The following TMEM135 variants were observed in gnomAD, a reference collection of about 807,000 sequenced individuals.
The protein encoded by TMEM135 is transmembrane protein 135, also known as peroxisomal membrane protein 52.
A neutral mutation model predicts 60.3 loss-of-function variants in TMEM135; 30 were observed. That is an observed-to-expected ratio of 0.50 (90% CI 0.37 to 0.68). The LOEUF (loss-of-function observed/expected upper bound fraction) is 0.68, where lower values mean the gene tolerates loss of function less well. Among genes scored for constraint, TMEM135 ranks in the 30% least tolerant of loss-of-function variants. The pLI is 0.00. For synonymous variants in TMEM135, 190 were observed against 186.7 expected, an observed-to-expected ratio of 1.02 and a Z score of -0.14; for missense variants, 468 against 548.8, an observed-to-expected ratio of 0.85 and a Z score of 1.47.
chr11:87,316,709 T>C (rs945540163), intron 12 of TMEM135, among the ~76,000 whole-genome samples: 4 of 151,936 alleles, frequency 2.6e-5, no homozygotes, highest in Non-Finnish European at 5.9e-5. Context: ...AAAAATATAT[T>C]CTTTAACACA....
At chr11:87,283,451 A>G (rs977361396) in intron 6 of TMEM135, among the ~76,000 whole-genome samples, 1 of 152,236 alleles carries the variant, frequency 6.6e-6, no homozygotes, top group Non-Finnish European at 1.5e-5. Flanking sequence ...AAATAAGCAT[A>G]AATTTATGAA....
At position 87,214,668 on chromosome 11, in the gene TMEM135, G is replaced by A. The variant is rs1940457853; in HGVS notation, c.463-21970G>A. 2.0e-5 allele frequency among the ~76,000 whole-genome samples: 3 copies of A among 151,838 alleles called. No individual in the cohort carries two copies. The South Asian group carries it at 6.2e-4, about 32-fold the overall frequency. On this transcript the variant is annotated intron_variant, in intron 5 of 14. Coordinates refer to ENST00000305494, the MANE Select transcript of TMEM135 (RefSeq NM_022918.4). ...TTGCTTAGTTAAGTGGTTTTATTCT[G>A]AGTATTTAAAGCTTTTTCCCCCTAT...
At chr11:87,107,269 G>A (rs574265560) in intron 4 of TMEM135, among the ~76,000 whole-genome samples, 19 of 151,924 alleles carry the variant, frequency 1.3e-4, no homozygotes, top group African/African-American at 4.1e-4. Flanking sequence ...ATTATTCATA[G>A]TTTTTTTTAT....
chr11:87,132,970 G>A (rs980446885), intron 4 of TMEM135, among the ~76,000 whole-genome samples: 2 of 152,104 alleles, frequency 1.3e-5, no homozygotes, highest in African/African-American at 2.4e-5. Flanking sequence ...ATTAAGTAAC[G>A]TAAGAGTTAC....
At chr11:87,062,456 T>C (rs1480895924) in intron 1 of TMEM135, among the ~76,000 whole-genome samples, 2 of 81,572 alleles carry the variant, frequency 2.5e-5, no homozygotes, top group Non-Finnish European at 4.4e-5. Flanking sequence ...ATTCTTCTAA[T>C]ATCATTTATT....
At position 87,325,734 on chromosome 11, in the gene TMEM135, C is replaced by G. The variant is rs1942902818; in HGVS notation, c.*4401C>G. On this transcript the variant is annotated 3_prime_UTR_variant, in exon 15 of 15. Transcript: ENST00000305494. ...TTTTATATGCTCTGTTTTTCTTAGG[C>G]AGGATGATGTAGAAGATAATTGCAC... 2.2e-6 allele frequency: 1 copy of G among 453,744 alleles called. No homozygotes were observed. The highest frequency in any genetic ancestry group is 4.4e-6 in the Non-Finnish European group (1 of 226,746). The allele number at this position is 453,744 out of a possible 1,614,324, so 28.1% of individuals were successfully genotyped here.
Position 87,322,649 on chromosome 11 carries a change from T to C in TMEM135, c.*1316T>C, listed in dbSNP as rs1475243367. 1 of 453,508 alleles carries C rather than the reference T, an allele frequency of 2.2e-6. No homozygotes were observed. The highest frequency in any genetic ancestry group is 2.0e-5 in the African/African-American group (1 of 50,006). 28.1% of individuals were successfully genotyped at this position (453,508 alleles called of 1,614,324 possible). On this transcript the variant is annotated 3_prime_UTR_variant, in exon 15 of 15. Coordinates refer to ENST00000305494, the MANE Select transcript of TMEM135 (RefSeq NM_022918.4). ...TTTTAGGCCAGTGCAAATTATGCAG[T>C]AGAACTTGTGTTGCAAAAGGAATTA...
intron 2 of TMEM135, among the ~76,000 whole-genome samples, chr11:87,069,463 T>C (rs1460964244): frequency 6.6e-6 from 1 of 152,082 alleles, no homozygotes; most frequent in African/African-American, 2.4e-5. Context: ...CATGAGGTGG[T>C]TGAGGGTCAG....
At chr11:87,182,703 A>G (rs1373366058) in intron 5 of TMEM135, among the ~76,000 whole-genome samples, 1 of 152,052 alleles carries the variant, frequency 6.6e-6, no homozygotes, top group Admixed American at 6.6e-5. Flanking sequence ...TTCTCTAGAA[A>G]ATTTTTGTGT....
chr11:87,047,666 A>G (rs377495339), intron 1 of TMEM135, among the ~76,000 whole-genome samples: 22 of 120,994 alleles, frequency 1.8e-4, no homozygotes, highest in Non-Finnish European at 2.5e-4. Flanking sequence ...AGGGTCCTAC[A>G]CCCACGGAAT....
At chr11:87,231,411 A>T (rs778261287) in intron 5 of TMEM135, among the ~76,000 whole-genome samples, 6 of 152,208 alleles carry the variant, frequency 3.9e-5, no homozygotes. Context: ...GGTAAAGTAC[A>T]CATAATGTTT....
chr11:87,180,284 G>C (rs1461854916), intron 5 of TMEM135, among the ~76,000 whole-genome samples: 1 of 152,014 alleles, frequency 6.6e-6, no homozygotes, highest in Non-Finnish European at 1.5e-5. Flanking sequence ...TCTTTGACCA[G>C]ATAAACGGGA....
chr11:87,228,708 A>T (rs932463964), intron 5 of TMEM135, among the ~76,000 whole-genome samples: 1 of 152,176 alleles, frequency 6.6e-6, no homozygotes, highest in African/African-American at 2.4e-5. Context: ...GAAAAGCAGA[A>T]GAGTTCTGTG....
intron 4 of TMEM135, among the ~76,000 whole-genome samples, chr11:87,124,967 T>C (rs922360709): frequency 1.3e-5 from 2 of 152,242 alleles, no homozygotes; most frequent in Non-Finnish European, 1.5e-5. Flanking sequence ...CTTTAGTTGC[T>C]ACTTCTCTTA....
chr11:87,278,145 C>T (rs2135417699), intron 6 of TMEM135, among the ~76,000 whole-genome samples: 1 of 152,220 alleles, frequency 6.6e-6, no homozygotes. Flanking sequence ...AGGCTTTTAC[C>T]TTGTATCCTT....
At chr11:87,099,434 A>G (rs1016148640) in intron 4 of TMEM135, among the ~76,000 whole-genome samples, 1 of 152,218 alleles carries the variant, frequency 6.6e-6, no homozygotes, top group East Asian at 1.9e-4. Flanking sequence ...TCGCAAAACT[A>G]TAATATAATA....
intron 4 of TMEM135, among the ~76,000 whole-genome samples, chr11:87,092,772 CCTTTAT>C (rs1857237075): frequency 2.7e-5 from 1 of 37,558 alleles, no homozygotes; most frequent in African/African-American, 1.7e-4. Context: ...TAAAGATAAT[CCTTTAT>C]CTTTGTTCTC....
chr11:87,210,703 A>G (rs766652815), intron 5 of TMEM135, among the ~76,000 whole-genome samples: 2 of 152,136 alleles, frequency 1.3e-5, no homozygotes, highest in African/African-American at 2.4e-5. Context: ...CAAAAAAGGA[A>G]AACTTAAGGC....
chr11:87,318,685 CATT>C (rs1942772176), intron 13 of TMEM135, among the ~76,000 whole-genome samples: 1 of 151,886 alleles, frequency 6.6e-6, no homozygotes, highest in African/African-American at 2.4e-5. Flanking sequence ...ATTCTGTAAC[CATT>C]ATTATTGACA....
Sources: allele counts gnomAD v4.1 joint callset (sites outside exome capture counted in the v4.1 genomes callset), GRCh38; gene constraint gnomAD v4.1.1; transcripts MANE v1.5; gene names NCBI Gene and HGNC (gene_info 2026-07-23, HGNC 2026-07-21).